CPNE3: variants seen among roughly 807,000 people sequenced by gnomAD.
CPNE3 encodes copine 3.
CPNE3 carries 68 observed loss-of-function variants against 63.9 expected under a neutral mutation model. That is an observed-to-expected ratio of 1.06 (90% confidence interval 0.87 to 1.30). The LOEUF is 1.30. Ranked by LOEUF, CPNE3 falls within the 50% of genes most tolerant of loss-of-function variation. The pLI, the probability that CPNE3 is intolerant of heterozygous loss-of-function variation, is 0.00. For synonymous variants in CPNE3, 219 were observed against 197.5 expected, an observed-to-expected ratio of 1.11 and a Z score of -0.91; for missense variants, 665 against 578.1, an observed-to-expected ratio of 1.15 and a Z score of -1.54.
intron 2 of CPNE3, among the ~76,000 whole-genome samples, chr8:86,525,531 T>G (rs576165138): frequency 6.6e-6 from 1 of 152,302 alleles, no homozygotes; most frequent in African/African-American, 2.4e-5. Context: ...TAGAAGAAAT[T>G]TGTTTCCTGG....
At chr8:86,549,264 G>C (rs879348741) in intron 12 of CPNE3, among the ~76,000 whole-genome samples, 4 of 152,166 alleles carry the variant, frequency 2.6e-5, no homozygotes, top group Non-Finnish European at 5.9e-5. Flanking sequence ...TTTCAGGCTA[G>C]TAAGTTTTAA....
chr8:86,520,815 A>G (rs956520802), intron 2 of CPNE3, among the ~76,000 whole-genome samples: 56 of 151,660 alleles, frequency 3.7e-4, no homozygotes, highest in African/African-American at 1.2e-3. Flanking sequence ...ACCATGCCCA[A>G]CTAATTTTTG....
intron 6 of CPNE3, among the ~76,000 whole-genome samples, 198 bp downstream of exon 6, chr8:86,532,778 A>T (rs1010630005): frequency 6.6e-6 from 1 of 152,164 alleles, no homozygotes; most frequent in Admixed American, 6.6e-5. Flanking sequence ...TCTAGATGTA[A>T]TCAAAGGATT....
rs577112597 is a variant in CPNE3 at position 86,541,478 on chromosome 8, C to A, written c.633+1144C>A. ...CAGCACTTTGGGAGGCCGAGGCGGG[C>A]AAATTGCCTGAGCTCAGGAGTTTGA... On this transcript the variant is annotated intron_variant, in intron 8 of 16. Coordinates refer to ENST00000517490, the MANE Select transcript of CPNE3 (RefSeq NM_003909.5). Among the ~76,000 whole-genome samples the A allele has an allele frequency of 4.1e-4, 62 of 152,056 alleles. 2 individuals carry two copies. The South Asian group carries it at 4.8e-3, about 12-fold the overall frequency.
In CPNE3 at chr8:86,537,626, CT is replaced by C; in HGVS notation, c.524del (p.Leu175GlnfsTer13). The C allele has an allele frequency of 6.2e-7, 1 of 1,604,152 alleles. No individual in the cohort carries two copies. Among genetic ancestry groups the C allele is most frequent in the Non-Finnish European group, 8.5e-7 (1 of 1,171,020 alleles). On this transcript the variant is annotated frameshift_variant, in exon 7 of 17. Transcript: ENST00000517490. LOFTEE classifies it high-confidence loss of function. ...FHKQTSDGNW[L>X]MVHRTEVVKN... The stretch of plus-strand genomic sequence containing the variant: ...CAAGCAGACATCTGATGGAAACTGG[CT>C]AATGGTTCATCGGACAGAGGTGAAT...
intron 7 of CPNE3, among the ~76,000 whole-genome samples, chr8:86,538,698 T>G (rs1363346153): frequency 6.6e-6 from 1 of 152,168 alleles, no homozygotes; most frequent in East Asian, 1.9e-4. Flanking sequence ...TCTGGATTCT[T>G]CTGTTTCCTC....
rs781055237 is a variant in CPNE3 at position 86,559,118 on chromosome 8, T to G, written c.*708T>G. 1 of 152,068 alleles carries G rather than the reference T, an allele frequency of 6.6e-6. No homozygotes were observed. The highest frequency in any genetic ancestry group is 1.5e-5 in the Non-Finnish European group (1 of 68,032). The allele number at this position is 152,068 out of a possible 1,614,324, so 9.4% of individuals were successfully genotyped here. ...TGCCTTTCTAGATATTTTATTTTAT[T>G]GTGGAAAACTGTAAACATGGTCAGA... On this transcript the variant is annotated 3_prime_UTR_variant, in exon 17 of 17. Transcript: ENST00000517490.
At chr8:86,547,839 C>T (rs1464062784) in intron 11 of CPNE3, 69 bp downstream of exon 11, 87 of 780,062 alleles carry the variant, frequency 1.1e-4, no homozygotes, top group Non-Finnish European at 8.8e-6. Flanking sequence ...TCTTTCACTG[C>T]AAAACTGACT....
At chr8:86,539,957 G>A (rs934958343) in intron 7 of CPNE3, among the ~76,000 whole-genome samples, 5 of 152,072 alleles carry the variant, frequency 3.3e-5, no homozygotes, top group South Asian at 2.1e-4. Flanking sequence ...GAGCCACCGC[G>A]CCCAGCCATC....
At chr8:86,532,196 T>C (rs1031389814) in intron 5 of CPNE3, among the ~76,000 whole-genome samples, 1 of 152,198 alleles carries the variant, frequency 6.6e-6, no homozygotes, top group Non-Finnish European at 1.5e-5. Context: ...AACTTCAGTA[T>C]TGTGTAGAGG....
intron 6 of CPNE3, among the ~76,000 whole-genome samples, chr8:86,536,884 G>A (rs1265538617): frequency 6.6e-6 from 1 of 152,072 alleles, no homozygotes; most frequent in South Asian, 2.1e-4. Flanking sequence ...TGGTGATAAC[G>A]GTATTTTTGA....
intron 2 of CPNE3, among the ~76,000 whole-genome samples, chr8:86,518,214 A>G (rs1046847293): frequency 6.6e-6 from 1 of 152,200 alleles, no homozygotes; most frequent in Admixed American, 6.5e-5. Flanking sequence ...AAGGAGTCAA[A>G]TTTTGGAAAG....
intron 14 of CPNE3, chr8:86,553,938 C>G: frequency 6.6e-6 from 1 of 152,230 alleles, no homozygotes; most frequent in South Asian, 2.1e-4. Context: ...TCAGCTTTCA[C>G]TGGGTTGTGC....
intron 4 of CPNE3, 57 bp downstream of exon 4, chr8:86,529,181 G>T: frequency 6.8e-7 from 1 of 1,478,380 alleles, no homozygotes; most frequent in African/African-American, 1.4e-5. Flanking sequence ...AATGAATTTG[G>T]TGGTGTTTTT....
At chr8:86,557,426 G>A (rs373265800) in intron 16 of CPNE3, among the ~76,000 whole-genome samples, 2 of 152,128 alleles carry the variant, frequency 1.3e-5, no homozygotes, top group African/African-American at 4.8e-5. Context: ...GTGTGCCACC[G>A]CACCCAGCCT....
intron 7 of CPNE3, among the ~76,000 whole-genome samples, chr8:86,538,186 C>T (rs1452472899): frequency 6.6e-6 from 1 of 152,070 alleles, no homozygotes; most frequent in Non-Finnish European, 1.5e-5. Context: ...ACCAGCCTGG[C>T]CAACATGGTG....
intron 8 of CPNE3, among the ~76,000 whole-genome samples, chr8:86,542,456 G>A (rs533323853): frequency 3.7e-4 from 57 of 152,056 alleles, no homozygotes; most frequent in African/African-American, 1.1e-3. Flanking sequence ...TGTGGTGTGT[G>A]CATTCTCTTT....
intron 6 of CPNE3, among the ~76,000 whole-genome samples, chr8:86,533,866 TTTC>T (rs1820740193): frequency 6.6e-6 from 1 of 150,632 alleles, no homozygotes. Context: ...CTTTTATTTC[TTTC>T]TTCTTTTCCT....
chr8:86,546,642 C>T lies in CPNE3; in HGVS notation c.780C>T (p.Ser260=). ...AGAAAAAAAGGCAAAAGAAAAAAAG[C>T]TACAAGAATTCAGGTGTTATCAGTG... ...INEKKRQKKK[S]YKNSGVISVK... The change falls in exon 10 of 17, where the codon AGC becomes AGT. Residue 260 remains serine, a synonymous_variant. Coordinates refer to ENST00000517490, the MANE Select transcript of CPNE3 (RefSeq NM_003909.5). 7 of 1,613,700 alleles carry T rather than the reference C, an allele frequency of 4.3e-6. No homozygotes were observed. The highest frequency in any genetic ancestry group is 5.9e-6 in the Non-Finnish European group (7 of 1,179,880).
Sources: gnomAD v4.1 joint callset for allele counts (sites outside exome capture counted in the v4.1 genomes callset) on GRCh38, gnomAD v4.1.1 for gene constraint, MANE v1.5 for transcripts, NCBI Gene and HGNC (gene_info 2026-07-23, HGNC 2026-07-21) for gene names.